Variants in RAB6A observed in about 807,000 individuals in gnomAD.
RAB6A encodes ras-related protein Rab-6A.
Under a neutral mutation model 32.3 loss-of-function variants are expected in RAB6A, and 8 were observed. The observed-to-expected ratio is 0.25, with a 90% CI of 0.15 to 0.45. RAB6A has a LOEUF of 0.45. Ranked by LOEUF, RAB6A falls within the 20% of genes least tolerant of loss-of-function variation. The probability of loss-of-function intolerance (pLI) is 1.00; values close to 1 mark genes in which losing one functional copy is unlikely to be tolerated. For missense variants in RAB6A, 104 were observed against 249.4 expected, an observed-to-expected ratio of 0.42 and a Z score of 3.93; for synonymous variants, 73 against 82.1, an observed-to-expected ratio of 0.89 and a Z score of 0.60.
chr11:73,684,159 T>C (rs567982649), intron 6 of RAB6A, among the ~76,000 whole-genome samples: 2 of 123,972 alleles, frequency 1.6e-5, no homozygotes, highest in Non-Finnish European at 3.3e-5. Context: ...TTAAGATACA[T>C]ACATTGTTGT....
At chr11:73,734,911 T>G (rs954501043) in intron 1 of RAB6A, among the ~76,000 whole-genome samples, 1 of 152,196 alleles carries the variant, frequency 6.6e-6, no homozygotes, top group African/African-American at 2.4e-5. Flanking sequence ...TTTAGAAAAT[T>G]TGCATTATAC....
At chr11:73,696,177 A>C (rs145652043) in intron 6 of RAB6A, among the ~76,000 whole-genome samples, 2 of 152,200 alleles carry the variant, frequency 1.3e-5, no homozygotes, top group East Asian at 3.9e-4. Flanking sequence ...ATGAGTGTTC[A>C]TTATTTGTGG....
chr11:73,700,471 C>T (rs978595842), intron 6 of RAB6A, among the ~76,000 whole-genome samples: 1 of 151,134 alleles, frequency 6.6e-6, no homozygotes, highest in Non-Finnish European at 1.5e-5. Flanking sequence ...GTCCTAGCTA[C>T]TTAGAAGGCT....
intron 5 of RAB6A, 94 bp downstream of exon 5, chr11:73,716,157 G>T: frequency 1.1e-6 from 1 of 931,168 alleles, no homozygotes; most frequent in Non-Finnish European, 1.6e-6. Flanking sequence ...TAAGGATTAA[G>T]CATGTCTCCT....
At chr11:73,723,581 G>A (rs535693034) in intron 2 of RAB6A, among the ~76,000 whole-genome samples, 12 of 152,028 alleles carry the variant, frequency 7.9e-5, no homozygotes, top group East Asian at 7.8e-4. Context: ...TGCCCACCTC[G>A]GCCTCCCAAA....
intron 6 of RAB6A, among the ~76,000 whole-genome samples, chr11:73,691,572 T>C (rs554525021): frequency 6.6e-6 from 1 of 152,360 alleles, no homozygotes; most frequent in African/African-American, 2.4e-5. Context: ...AGCAAGGCTC[T>C]CATTTCATCT....
chr11:73,680,253 TAAG>T (rs1945333930), intron 6 of RAB6A, among the ~76,000 whole-genome samples: 1 of 152,124 alleles, frequency 6.6e-6, no homozygotes. Context: ...AGCTATGAAA[TAAG>T]CAGCAAAAAT....
intron 1 of RAB6A, among the ~76,000 whole-genome samples, chr11:73,752,607 C>T (rs1247232316): frequency 6.6e-6 from 1 of 152,114 alleles, no homozygotes; most frequent in Non-Finnish European, 1.5e-5. Context: ...CGCATGAGCT[C>T]AGGAATTCGA....
chr11:73,712,508 G>A (rs771072659), intron 5 of RAB6A, among the ~76,000 whole-genome samples: 7 of 151,628 alleles, frequency 4.6e-5, no homozygotes, highest in Admixed American at 6.6e-5. Flanking sequence ...ATGCCACCAC[G>A]CCCGGCTAAT....
At chr11:73,685,306 T>G (rs1346897284) in intron 6 of RAB6A, among the ~76,000 whole-genome samples, 5 of 142,906 alleles carry the variant, frequency 3.5e-5, no homozygotes, top group Non-Finnish European at 7.8e-5. Context: ...TTTTTTTTTT[T>G]GAGACGGAGT....
chr11:73,704,869 G>A lies in RAB6A; in HGVS notation c.495+2551C>T, dbSNP rs530561718. ...AAATTAGCCAGGCGTGGTGGTGGGC[G>A]CCTGTAGTCCCAGCTGCTCGGGAGG... On this transcript the variant is annotated intron_variant, in intron 6 of 7. Transcript: ENST00000336083. Among the ~76,000 whole-genome samples the A allele has an allele frequency of 1.6e-4, 25 of 151,582 alleles. No individual in the cohort carries two copies. In the South Asian group the frequency reaches 3.6e-3, roughly 22 times the overall value.
intron 2 of RAB6A, chr11:73,730,536 T>C (rs969051929): frequency 8.7e-6 from 4 of 458,796 alleles, no homozygotes; most frequent in African/African-American, 6.2e-5. Context: ...TCCTAGATGA[T>C]ATTGGAGATA....
rs1646136094 is a variant in RAB6A at position 73,720,851 on chromosome 11, G to T, written c.178C>A (p.Arg60=). Residue 60 remains arginine (R), a synonymous_variant, in exon 3 of 8, where the codon CGA becomes AGA. Coordinates refer to ENST00000336083, the MANE Select transcript of RAB6A (RefSeq NM_198896.2). ...ACACTGAAAATATTACTCACTGTTC[G>T]ATCCTCCAAGTACATAGTTTTTGAT... ...FLSKTMYLED[R]TVRLQLWDTA... The T allele has an allele frequency of 1.6e-5, 25 of 1,606,226 alleles. No individual in the cohort carries two copies. The highest frequency in any genetic ancestry group is 2.1e-5 in the Non-Finnish European group (25 of 1,175,740).
intron 6 of RAB6A, among the ~76,000 whole-genome samples, chr11:73,703,110 C>G (rs1393124723): frequency 1.3e-5 from 2 of 151,756 alleles, no homozygotes; most frequent in African/African-American, 4.8e-5. Context: ...GCATGAGCAA[C>G]CATGCCTGGC....
intron 2 of RAB6A, among the ~76,000 whole-genome samples, chr11:73,723,418 T>C (rs1425778279): frequency 6.6e-6 from 1 of 152,016 alleles, no homozygotes; most frequent in Non-Finnish European, 1.5e-5. Flanking sequence ...CTCCGCCTCC[T>C]AGGTTCAAGC....
intron 2 of RAB6A, chr11:73,730,036 C>A (rs1194049442): frequency 6.6e-6 from 1 of 152,394 alleles, no homozygotes; most frequent in East Asian, 1.9e-4. Flanking sequence ...GGCATGCCCT[C>A]TTCTCTTGGG....
At chr11:73,712,247 C>A (rs1424122258) in intron 5 of RAB6A, among the ~76,000 whole-genome samples, 3 of 152,168 alleles carry the variant, frequency 2.0e-5, no homozygotes, top group Non-Finnish European at 4.4e-5. Flanking sequence ...TTTCTATACA[C>A]TTAACCAGTT....
At chr11:73,721,726 A>G (rs1399196083) in intron 2 of RAB6A, among the ~76,000 whole-genome samples, 1 of 152,126 alleles carries the variant, frequency 6.6e-6, no homozygotes, top group East Asian at 1.9e-4. Context: ...GTGCACATAT[A>G]CTATGTATAT....
intron 6 of RAB6A, among the ~76,000 whole-genome samples, chr11:73,700,521 C>A (rs1306146841): frequency 7.3e-6 from 1 of 137,704 alleles, no homozygotes; most frequent in African/African-American, 2.7e-5. Context: ...CAGTTCAAGG[C>A]TGCAGTGAGC....
Sources: allele counts gnomAD v4.1 joint callset (sites outside exome capture counted in the v4.1 genomes callset), GRCh38; gene constraint gnomAD v4.1.1; transcripts MANE v1.5; gene names NCBI Gene and HGNC (gene_info 2026-07-23, HGNC 2026-07-21).